DPP6: variants seen among roughly 807,000 people sequenced by gnomAD.
DPP6 encodes A-type potassium channel modulatory protein DPP6.
In DPP6, 69 loss-of-function variants were observed where a neutral mutation model predicts 122.6. That is an observed-to-expected ratio of 0.56 (90% CI 0.46 to 0.69). The LOEUF (loss-of-function observed/expected upper bound fraction) is 0.69, where lower values mean the gene tolerates loss of function less well. Among genes scored for constraint, DPP6 ranks in the 30% least tolerant of loss-of-function variants. DPP6 has a pLI of 0.00. For synonymous variants in DPP6, 418 were observed against 433.1 expected (o/e 0.97, Z 0.43); for missense variants, 928 against 1,116.9 (o/e 0.83, Z 2.41).
chr7:154,641,950 T>G (rs1836128307), intron 6 of DPP6, among the ~76,000 whole-genome samples: 1 of 152,186 alleles, frequency 6.6e-6, no homozygotes, highest in African/African-American at 2.4e-5. Context: ...CAAACAAAAC[T>G]GTGAAAAAAT....
chr7:154,080,575 C>T (rs544896461), intron 1 of DPP6, among the ~76,000 whole-genome samples: 9 of 152,258 alleles, frequency 5.9e-5, no homozygotes, highest in East Asian at 5.8e-4. Context: ...TATGCTTTTC[C>T]CTATGGTAGA....
intron 1 of DPP6, among the ~76,000 whole-genome samples, chr7:154,077,455 G>C (rs1183578535): frequency 6.6e-6 from 1 of 152,078 alleles, no homozygotes; most frequent in African/African-American, 2.4e-5. Context: ...CAACGAGTCT[G>C]TTGAAAACTG....
intron 1 of DPP6, among the ~76,000 whole-genome samples, chr7:154,401,056 G>A (rs189380533): frequency 1.1e-3 from 175 of 152,186 alleles, no homozygotes; most frequent in Middle Eastern, 3.4e-3. Context: ...CAAAGATTAG[G>A]TGTGGTGGCA....
chr7:154,235,767 G>T (rs1488088076), intron 1 of DPP6, among the ~76,000 whole-genome samples: 1 of 152,166 alleles, frequency 6.6e-6, no homozygotes, highest in African/African-American at 2.4e-5. Context: ...AATCTGCCTA[G>T]ATTCAAAATT....
chr7:154,588,995 C>T (rs895441390), intron 5 of DPP6, among the ~76,000 whole-genome samples: 44 of 152,324 alleles, frequency 2.9e-4, no homozygotes, highest in African/African-American at 1.0e-3. Flanking sequence ...GGTTTGTTGG[C>T]TGCATTTGCT....
intron 6 of DPP6, among the ~76,000 whole-genome samples, chr7:154,665,625 C>G (rs1347369990): frequency 2.0e-5 from 3 of 152,134 alleles, no homozygotes; most frequent in Admixed American, 1.3e-4. Context: ...ATTTAGACAC[C>G]AAGATCTGGG....
In DPP6 at chr7:154,269,526, T is replaced by C. The variant is rs1276189904; in HGVS notation, c.244-176688T>C. Among the ~76,000 whole-genome samples the C allele has an allele frequency of 3.3e-5, 5 of 152,280 alleles. No individual in the cohort carries two copies. In the East Asian group the frequency reaches 5.8e-4, roughly 18 times the overall value. ...AGTAGGTTTAGCCACACAGAGCCCATGAGAACAAGCTTTGCACTTAGATAT... is the reference window on the plus strand; with the variant it reads ...AGTAGGTTTAGCCACACAGAGCCCACGAGAACAAGCTTTGCACTTAGATAT... On this transcript the variant is annotated intron_variant, in intron 1 of 25. Coordinates refer to ENST00000377770, the MANE Select transcript of DPP6 (RefSeq NM_130797.4).
intron 7 of DPP6, among the ~76,000 whole-genome samples, chr7:154,678,962 G>A (rs10230409): frequency 0.11 from 16,237 of 152,164 alleles, 936 homozygotes; most frequent in East Asian, 0.15. Context: ...AAATGTCTTT[G>A]ATTGTTGCTG....
rs149773040 is a variant in DPP6 at position 154,738,345 on chromosome 7, G to T, written c.883+10458G>T. ...TTCCTTGCTCCAAATCTTCCTCTTC[G>T]TGGCTCCTTGTTTCTGGTACTGATT... On this transcript the variant is annotated intron_variant, in intron 8 of 25. Transcript: ENST00000377770. 2.5e-4 allele frequency among the ~76,000 whole-genome samples: 38 copies of T among 152,290 alleles called. No homozygotes were observed. In the East Asian group the frequency reaches 7.1e-3, roughly 29 times the overall value.
At chr7:154,216,146 C>G (rs1799981239) in intron 1 of DPP6, among the ~76,000 whole-genome samples, 1 of 152,166 alleles carries the variant, frequency 6.6e-6, no homozygotes, top group Admixed American at 6.5e-5. Context: ...CAGCCTGGCT[C>G]CAGGGACCCC....
intron 4 of DPP6, among the ~76,000 whole-genome samples, chr7:154,544,873 A>T (rs1829037311): frequency 6.6e-6 from 1 of 152,234 alleles, no homozygotes; most frequent in South Asian, 2.1e-4. Context: ...GAAGAGACAG[A>T]GGATGATGAT....
At chr7:154,648,452 G>T (rs187161915) in intron 6 of DPP6, among the ~76,000 whole-genome samples, 1 of 152,056 alleles carries the variant, frequency 6.6e-6, no homozygotes. Flanking sequence ...CTGTGTCTGC[G>T]CTGGGGACAT....
At chr7:154,709,960 G>T (rs937503602) in intron 7 of DPP6, among the ~76,000 whole-genome samples, 1 of 152,188 alleles carries the variant, frequency 6.6e-6, no homozygotes, top group South Asian at 2.1e-4. Context: ...ATACATTCCG[G>T]CTCTGCCTGA....
intron 1 of DPP6, among the ~76,000 whole-genome samples, chr7:154,294,243 G>T (rs1805392081): frequency 6.6e-6 from 1 of 152,174 alleles, no homozygotes; most frequent in African/African-American, 2.4e-5. Flanking sequence ...GGGGTAGGAG[G>T]TGACATTTGC....
intron 8 of DPP6, among the ~76,000 whole-genome samples, chr7:154,758,295 C>T (rs1483109681): frequency 6.6e-6 from 1 of 152,190 alleles, no homozygotes; most frequent in Non-Finnish European, 1.5e-5. Context: ...ATGGCCACAC[C>T]TGGTTCTGTG....
the DPP6 span, among the ~76,000 whole-genome samples, chr7:153,758,732 G>C: frequency 2.6e-5 from 4 of 151,106 alleles, no homozygotes; most frequent in Non-Finnish European, 1.5e-5. Flanking sequence ...AGTAATACTT[G>C]ATTGTATGCC....
intron 2 of DPP6, among the ~76,000 whole-genome samples, chr7:154,450,393 A>G: frequency 6.6e-6 from 1 of 152,240 alleles, no homozygotes; most frequent in East Asian, 1.9e-4. Context: ...TGAATTGTAT[A>G]CATTAAAAAG....
chr7:154,115,771 G>T (rs1806941781), intron 1 of DPP6, among the ~76,000 whole-genome samples: 1 of 152,164 alleles, frequency 6.6e-6, no homozygotes, highest in African/African-American at 2.4e-5. Flanking sequence ...TTGTAAGGTG[G>T]GGACAGTACA....
chr7:154,727,689 A>T, intron 7 of DPP6, 78 bp from the exon 8 acceptor site: 1 of 1,480,348 alleles, frequency 6.8e-7, no homozygotes, highest in Non-Finnish European at 9.0e-7. Context: ...CCGGTTGATG[A>T]TTTCAGATTT....
Sources: allele counts gnomAD v4.1 joint callset (sites outside exome capture counted in the v4.1 genomes callset), GRCh38; gene constraint gnomAD v4.1.1; transcripts MANE v1.5; gene names NCBI Gene and HGNC (gene_info 2026-07-23, HGNC 2026-07-21).